The following MYOM2 variants were observed in gnomAD, a reference collection of about 807,000 sequenced individuals.
MYOM2 encodes the protein myomesin-2.
In MYOM2, 254 loss-of-function variants were observed where a neutral mutation model predicts 187.6. That is an observed-to-expected ratio of 1.35 (90% CI 1.22 to 1.50). MYOM2 has a LOEUF of 1.50. Among genes scored for constraint, MYOM2 ranks in the 40% most tolerant of loss-of-function variants. The pLI, the probability that MYOM2 is intolerant of heterozygous loss-of-function variation, is 0.00. For missense variants in MYOM2, 2,796 were observed against 1,924.0 expected (o/e 1.45, Z -8.48); for synonymous variants, 981 against 753.8 (o/e 1.30, Z -4.94).
chr8:2,106,348 CGAG>C lies in MYOM2; in HGVS notation c.2845_2847del (p.Glu949del), dbSNP rs763538593. On this transcript the variant is annotated inframe_deletion, in exon 22 of 37. Transcript: ENST00000262113. ...CTCAGTTCACCTGGTGTAAATCCTA[CGAG>C]GAGATTTCAGATGATGAGAGGTTTA... 14 of 1,613,998 alleles carry C rather than the reference CGAG, an allele frequency of 8.7e-6. No individual in the cohort carries two copies. In the South Asian group the frequency reaches 1.3e-4, roughly 15 times the overall value.
At position 2,094,069 on chromosome 8, in the gene MYOM2, C is replaced by T; in HGVS notation, c.2103C>T (p.Val701=). 1 of 1,614,154 alleles carries T rather than the reference C, an allele frequency of 6.2e-7. No homozygotes were observed. The highest frequency in any genetic ancestry group is 8.5e-7 in the Non-Finnish European group (1 of 1,180,040). Residue 701 remains valine, a synonymous_variant, in exon 17 of 37, where the codon GTC becomes GTT. Coordinates refer to ENST00000262113, the MANE Select transcript of MYOM2 (RefSeq NM_003970.4). The stretch of plus-strand genomic sequence containing the variant: ...GTGAAAATTCCCAGGAATCAGACGT[C>T]ATAAAAGTGCAGGCCGCACTCAGTA... ...GMSENSQESD[V]IKVQAALTVP...
intron 19 of MYOM2, among the ~76,000 whole-genome samples, 192 bp downstream of exon 19, chr8:2,099,175 C>T (rs1796601028): frequency 6.6e-6 from 1 of 152,254 alleles, no homozygotes; most frequent in Non-Finnish European, 1.5e-5. Flanking sequence ...CTAGTTTGGG[C>T]TGTGCGTGGT....
chr8:2,052,050 G>A, intron 2 of MYOM2, 108 bp from the exon 3 acceptor site: 17 of 1,384,558 alleles, frequency 1.2e-5, no homozygotes, highest in Non-Finnish European at 1.6e-5. Context: ...TGTGTGCTCT[G>A]CATATACCAG....
intron 1 of MYOM2, among the ~76,000 whole-genome samples, chr8:2,050,212 A>G (rs1254836836): frequency 6.6e-6 from 1 of 151,866 alleles, no homozygotes; most frequent in Non-Finnish European, 1.5e-5. Flanking sequence ...ACCTTTGCTT[A>G]TGGGCTGCCC....
chr8:2,100,137 C>CTTCCTTCT (rs1796651832), intron 19 of MYOM2, among the ~76,000 whole-genome samples: 6 of 112,258 alleles, frequency 5.3e-5, no homozygotes, highest in South Asian at 5.9e-4. Flanking sequence ...TCTTTCCTTC[C>CTTCCTTCT]TTCCTTCCTT....
intron 1 of MYOM2, among the ~76,000 whole-genome samples, chr8:2,045,478 C>A (rs936906716): frequency 6.6e-6 from 1 of 152,220 alleles, no homozygotes; most frequent in African/African-American, 2.4e-5. Context: ...CCAGGGGGCC[C>A]CCCAGTCAGT....
At chr8:2,124,749 A>C (rs1026131806) in intron 31 of MYOM2, among the ~76,000 whole-genome samples, 1 of 152,036 alleles carries the variant, frequency 6.6e-6, no homozygotes, top group African/African-American at 2.4e-5. Context: ...TCTGCTTGCC[A>C]GTGTTTTATC....
At chr8:2,063,159 G>A (rs80041743) in intron 6 of MYOM2, among the ~76,000 whole-genome samples, 4,505 of 152,194 alleles carry the variant, frequency 0.03, 226 homozygotes, top group African/African-American at 0.1. Context: ...AATATTCTTC[G>A]GGAAAAGAGC....
At position 2,090,148 on chromosome 8, in the gene MYOM2, A is replaced by G. The variant is rs1237400963; in HGVS notation, c.1785A>G (p.Glu595=). Residue 595 remains glutamate, a synonymous_variant, in exon 15 of 37, where the codon GAA becomes GAG. Coordinates refer to ENST00000262113, the MANE Select transcript of MYOM2 (RefSeq NM_003970.4). ...CAGCAAACCGGCATGGCCTGAGCGA[A>G]CCTTCGGAGATAACGTCCCCCATTC... is the stretch of plus-strand genomic sequence containing the variant. The part of the protein sequence containing the change: ...VLSANRHGLS[E]PSEITSPIQA... The G allele has an allele frequency of 6.2e-7, 1 of 1,613,882 alleles. No homozygotes were observed. Among genetic ancestry groups the G allele is most frequent in the African/African-American group, 1.3e-5 (1 of 74,900 alleles).
chr8:2,065,625 T>G (rs1270293094), intron 6 of MYOM2, among the ~76,000 whole-genome samples: 1 of 152,198 alleles, frequency 6.6e-6, no homozygotes, highest in Non-Finnish European at 1.5e-5. Context: ...TTATTTCTTC[T>G]TATTGCCCAG....
At chr8:2,077,904 G>A (rs1451486726) in intron 11 of MYOM2, among the ~76,000 whole-genome samples, 1 of 152,166 alleles carries the variant, frequency 6.6e-6, no homozygotes, top group Non-Finnish European at 1.5e-5. Context: ...GTTTTGACCT[G>A]TTGTTCTCTT....
intron 31 of MYOM2, among the ~76,000 whole-genome samples, chr8:2,127,138 AG>A (rs1563074330): frequency 6.7e-6 from 1 of 149,338 alleles, no homozygotes; most frequent in East Asian, 2.0e-4. Flanking sequence ...AGCAGAGGGA[AG>A]GGGGGTCGGG....
At chr8:2,096,486 T>A in intron 18 of MYOM2, 52 bp downstream of exon 18, 1 of 1,562,830 alleles carries the variant, frequency 6.4e-7, no homozygotes, top group Non-Finnish European at 8.7e-7. Flanking sequence ...GTTCTTTACA[T>A]TTTTGGCAAT....
rs1008138429 is a variant in MYOM2, at chr8:2,139,040, C to T, written c.3801-1683C>T. ...ACCCGACACACACTGCCAGCACCAC[C>T]ACCAGAGACCCGACACACACTGCCA... On this transcript the variant is annotated intron_variant, in intron 32 of 36. Coordinates refer to ENST00000262113, the MANE Select transcript of MYOM2 (RefSeq NM_003970.4). Among the ~76,000 whole-genome samples the T allele has an allele frequency of 1.5e-3, 192 of 131,592 alleles. 3 individuals carry two copies. Among genetic ancestry groups the T allele is most frequent in the Middle Eastern group, 7.5e-3 (2 of 266 alleles). The allele number at this position is 131,592 out of a possible 152,430, so 86.3% of individuals were successfully genotyped here.
intron 32 of MYOM2, among the ~76,000 whole-genome samples, chr8:2,129,645 A>G (rs1797782854): frequency 6.6e-6 from 1 of 152,212 alleles, no homozygotes; most frequent in Non-Finnish European, 1.5e-5. Context: ...AATCATTAAA[A>G]TTAAAAACAG....
At chr8:2,117,618 C>T (rs533394340) in intron 27 of MYOM2, among the ~76,000 whole-genome samples, 8 of 152,256 alleles carry the variant, frequency 5.3e-5, no homozygotes, top group East Asian at 3.9e-4. Flanking sequence ...AGCCATCAGA[C>T]GTACGCTCCT....
intron 1 of MYOM2, among the ~76,000 whole-genome samples, chr8:2,049,083 G>A (rs891033857): frequency 2.0e-5 from 3 of 152,146 alleles, no homozygotes; most frequent in Non-Finnish European, 4.4e-5. Context: ...GAGCTACTGC[G>A]CCCGGCTGCT....
chr8:2,128,364 G>T (rs1409552990), intron 31 of MYOM2, among the ~76,000 whole-genome samples: 2 of 152,206 alleles, frequency 1.3e-5, no homozygotes, highest in East Asian at 1.9e-4. Flanking sequence ...CTCCACAACA[G>T]TTGGTGATCA....
intron 17 of MYOM2, among the ~76,000 whole-genome samples, chr8:2,095,256 CT>C (rs1372682638): frequency 6.7e-6 from 1 of 149,958 alleles, no homozygotes; most frequent in Non-Finnish European, 1.5e-5. Context: ...TTCCCATTTT[CT>C]TTTTAATGTC....
Sources: gnomAD v4.1 joint callset for allele counts (sites outside exome capture counted in the v4.1 genomes callset) on GRCh38, gnomAD v4.1.1 for gene constraint, MANE v1.5 for transcripts, NCBI Gene and HGNC (gene_info 2026-07-23, HGNC 2026-07-21) for gene names.